The following ADAMTS7 variants were observed in gnomAD, a reference collection of about 807,000 sequenced individuals.
ADAMTS7 encodes A disintegrin and metalloproteinase with thrombospondin motifs 7.
ADAMTS7 carries 89 observed loss-of-function variants against 172.6 expected under a neutral mutation model. That is an observed-to-expected ratio of 0.52 (90% CI 0.43 to 0.61). ADAMTS7 has a LOEUF of 0.61. ADAMTS7 is among the 20% of genes least tolerant of loss of function. ADAMTS7 has a pLI of 0.00. For missense variants in ADAMTS7, 1,973 were observed against 2,355.6 expected (o/e 0.84, Z 3.36); for synonymous variants, 885 against 978.4 (o/e 0.90, Z 1.78).
rs367546155 is a variant in ADAMTS7, at chr15:78,762,237, T to A, written c.4903+166A>T. On this transcript the variant is annotated intron_variant, in intron 23 of 23. Transcript: ENST00000388820. The stretch of plus-strand genomic sequence containing the variant: ...TCCCAGCACAGCCCAGCCTCCAGCA[T>A]GGCATCCTGTGGCATCAGGATTTTC... Among the ~76,000 whole-genome samples the A allele has an allele frequency of 4.8e-3, 732 of 152,332 alleles. 4 individuals are homozygous for A. The highest frequency in any genetic ancestry group is 0.014 in the African/African-American group (596 of 41,580).
chr15:78,764,953 T>G, intron 19 of ADAMTS7: 2 of 437,514 alleles, frequency 4.6e-6, no homozygotes, highest in Non-Finnish European at 8.0e-6. Flanking sequence ...TGTGTTCCAG[T>G]GTCATTGGTG....
chr15:78,811,204 C>T lies in ADAMTS7; in HGVS notation c.17G>A (p.Ser6Asn). Residue 6 changes from serine (S) to asparagine (N), a missense_variant, in exon 1 of 24, where the codon AGT (serine) becomes AAT (asparagine). Ser to Asn is a conservative substitution (Grantham distance 46, BLOSUM62 1). Transcript: ENST00000388820. MPGGPSPRSPAPLLRP... is the reference protein window; with the variant it reads MPGGPNPRSPAPLLRP... ...CAGCAAAGGCGCGGGGCTGCGGGGACTGGGGCCGCCGGGCATGGCAGGAAC... is the reference window on the plus strand; with the variant it reads ...CAGCAAAGGCGCGGGGCTGCGGGGATTGGGGCCGCCGGGCATGGCAGGAAC... The T allele has an allele frequency of 1.6e-6, 2 of 1,228,780 alleles. No individual in the cohort carries two copies. Among genetic ancestry groups the T allele is most frequent in the Non-Finnish European group, 2.0e-6 (2 of 985,988 alleles). 76.1% of individuals were successfully genotyped at this position (1,228,780 alleles called of 1,614,324 possible).
At position 78,795,826 on chromosome 15, in the gene ADAMTS7, C is replaced by A. The variant is rs544045171; in HGVS notation, c.819+764G>T. Among the ~76,000 whole-genome samples, 17 of 152,306 alleles carry A rather than the reference C, an allele frequency of 1.1e-4. No individual in the cohort carries two copies. The South Asian group carries it at 3.5e-3, about 32-fold the overall frequency. On this transcript the variant is annotated intron_variant, in intron 4 of 23. Coordinates refer to ENST00000388820, the MANE Select transcript of ADAMTS7 (RefSeq NM_014272.5). ...TCCACGGGCACCCACAGGGCAGGAG[C>A]AGGGAGTGGCAGCTCTGCAGTAGTC...
rs1464627766 is a variant in ADAMTS7, at chr15:78,766,184, A to T, written c.3727T>A (p.Leu1243Met). 1 of 1,611,332 alleles carries T rather than the reference A, an allele frequency of 6.2e-7. No individual in the cohort carries two copies. Among genetic ancestry groups the T allele is most frequent in the Non-Finnish European group, 8.5e-7 (1 of 1,179,768 alleles). Residue 1243 changes from leucine (L) to methionine (M), a missense_variant, in exon 19 of 24, where the codon TTG becomes ATG. Leu to Met is a conservative substitution (Grantham distance 15, BLOSUM62 2). Around this residue, in one of 8 missense-constraint regions of ADAMTS7, gnomAD observed 771 missense variants for 952.6 expected, o/e 0.81. Transcript: ENST00000388820. ...GAGTGGGTGCTGCCAACAGGGGACA[A>T]AGGGGGCAGCGTGGAGCTGGGTCTC... Reference protein sequence around the residue: ...PPRPSSTLPPLSPVGSTHSSP... With the variant: ...PPRPSSTLPPMSPVGSTHSSP...
chr15:78,792,946 C>A (rs767291310), intron 4 of ADAMTS7, among the ~76,000 whole-genome samples: 1 of 152,108 alleles, frequency 6.6e-6, no homozygotes, highest in Non-Finnish European at 1.5e-5. Context: ...GAGTCTAGCA[C>A]GGGGAGAATG....
At chr15:78,796,936 C>T (rs1596197968) in intron 3 of ADAMTS7, 150 bp from the exon 4 acceptor site, 10 of 680,494 alleles carry the variant, frequency 1.5e-5, no homozygotes, top group South Asian at 1.0e-4. Context: ...CTGGCTCTGT[C>T]CCAGATCTGT....
Position 78,763,839 on chromosome 15 carries a change from C to G in ADAMTS7, c.4600G>C (p.Glu1534Gln). The change falls in exon 22 of 24, where the codon GAG (glutamate) becomes CAG (glutamine). Residue 1534 changes from glutamate (E) to glutamine (Q), a missense_variant. Glu to Gln is a conservative substitution (Grantham distance 29, BLOSUM62 2). Around this residue, in one of 8 missense-constraint regions of ADAMTS7, gnomAD observed 218 missense variants for 216.9 expected, o/e 1.01. Coordinates refer to ENST00000388820, the MANE Select transcript of ADAMTS7 (RefSeq NM_014272.5). ...WYTSSWRECS[E>Q]ACGGGEQQRL... ...TGCTGCTCACCACCGCCACAGGCCT[C>G]GGAGCACTGGGTGGGCAGGGAAGGA... 6.3e-7 allele frequency: 1 copy of G among 1,582,722 alleles called. No individual in the cohort carries two copies. Among genetic ancestry groups the G allele is most frequent in the Non-Finnish European group, 8.6e-7 (1 of 1,168,100 alleles).
chr15:78,768,023 C>CGGGGGGTGGGGAGTTGGCGGGGGA (rs2055184498), intron 17 of ADAMTS7, 110 bp downstream of exon 17: 1 of 281,380 alleles, frequency 3.6e-6, no homozygotes, highest in African/African-American at 5.6e-5. Flanking sequence ...CCCAGGATGC[C>CGGGGGGTGGGGAGTTGGCGGGGGA]TGGGGGTGGG....
rs1474309394 is a variant in ADAMTS7 at position 78,777,034 on chromosome 15, G to A, written c.1468-193C>T. 65 of 596,476 alleles carry A rather than the reference G, an allele frequency of 1.1e-4. 1 individual carries two copies. In the South Asian group the frequency reaches 1.2e-3, roughly 11 times the overall value. The allele number at this position is 596,476 out of a possible 1,614,324, so 36.9% of individuals were successfully genotyped here. A position where few individuals can be genotyped will look rare whatever the true frequency, so the allele number is the denominator to read the frequency against. On this transcript the variant is annotated intron_variant, in intron 9 of 23. Transcript: ENST00000388820. ...GACCATGTGGTGGTGTGGGGCGCCC[G>A]GGGCTGCGCTGCTCAGAGCGGTCCC...
At chr15:78,773,944 T>G (rs1317029053) in intron 13 of ADAMTS7, among the ~76,000 whole-genome samples, 1 of 151,486 alleles carries the variant, frequency 6.6e-6, no homozygotes, top group Non-Finnish European at 1.5e-5. Context: ...CCAGGAGGCG[T>G]GGTAGGGGCT....
chr15:78,793,055 G>A (rs73462918), intron 4 of ADAMTS7, among the ~76,000 whole-genome samples: 2,787 of 152,200 alleles, frequency 0.018, 62 homozygotes, highest in African/African-American at 0.064. Context: ...AAAAATAGCC[G>A]CAGCCAACCT....
Position 78,759,512 on chromosome 15 carries a change from A to G in ADAMTS7, c.4970T>C (p.Leu1657Pro), listed in dbSNP as rs1363919904. The change falls in exon 24 of 24, where the codon CTG (leucine) becomes CCG (proline). Residue 1657 changes from leucine (L) to proline (P), a missense_variant. Physicochemically the swap from Leu to Pro is moderately conservative, Grantham distance 98. Around this residue, in one of 8 missense-constraint regions of ADAMTS7, gnomAD observed 94 missense variants for 95.4 expected, o/e 0.99. Coordinates refer to ENST00000388820, the MANE Select transcript of ADAMTS7 (RefSeq NM_014272.5). ...GCAGCACTGGGTGCGGATGGTGGGC[A>G]GCTGGCAGCGGCCCAGTAGGCGCAG... ...ETLRLLGRCQ[L>P]PTIRTQCCRS... The G allele has an allele frequency of 1.3e-6, 2 of 1,597,500 alleles. No homozygotes were observed. Among genetic ancestry groups the G allele is most frequent in the Non-Finnish European group, 8.5e-7 (1 of 1,177,362 alleles).
At chr15:78,797,195 C>T (rs1214088610) in intron 3 of ADAMTS7, among the ~76,000 whole-genome samples, 2 of 152,208 alleles carry the variant, frequency 1.3e-5, no homozygotes, top group African/African-American at 4.8e-5. Flanking sequence ...CTGACCCCAC[C>T]CTCTAAACCC....
At chr15:78,801,952 C>CA (rs2055730812) in intron 1 of ADAMTS7, among the ~76,000 whole-genome samples, 1 of 152,012 alleles carries the variant, frequency 6.6e-6, no homozygotes, top group Non-Finnish European at 1.5e-5. Flanking sequence ...CTCAGCCTCC[C>CA]ATAGTTCTGG....
intron 8 of ADAMTS7, among the ~76,000 whole-genome samples, chr15:78,782,875 C>A (rs1413811587): frequency 2.7e-4 from 41 of 152,154 alleles, no homozygotes; most frequent in East Asian, 7.8e-4. Context: ...TGGCCACCTG[C>A]CACCCAGCAG....
At chr15:78,762,735 A>AC (rs1293712483) in intron 22 of ADAMTS7, among the ~76,000 whole-genome samples, 170 bp from the exon 23 acceptor site, 4 of 152,156 alleles carry the variant, frequency 2.6e-5, no homozygotes, top group Non-Finnish European at 5.9e-5. Flanking sequence ...CCTAGAGCCC[A>AC]CTTGGTGCTG....
chr15:78,780,502 C>T (rs1414448030), intron 8 of ADAMTS7, among the ~76,000 whole-genome samples: 2 of 151,958 alleles, frequency 1.3e-5, no homozygotes, highest in African/African-American at 4.8e-5. Context: ...GAAATGCTGG[C>T]TTTGAGGAAA....
chr15:78,765,552 G>T, intron 19 of ADAMTS7, 93 bp downstream of exon 19: 1 of 1,569,354 alleles, frequency 6.4e-7, no homozygotes. Context: ...CTAGACAGAC[G>T]GCGCCTGTGT....
chr15:78,780,026 T>C (rs1379166672), intron 8 of ADAMTS7, among the ~76,000 whole-genome samples: 39 of 139,918 alleles, frequency 2.8e-4, no homozygotes, highest in East Asian at 1.5e-3. Context: ...TGCCTGGCTA[T>C]AGATGCTGTG....
Sources: allele counts gnomAD v4.1 joint callset (sites outside exome capture counted in the v4.1 genomes callset), GRCh38; gene constraint gnomAD v4.1.1; regional missense constraint gnomAD v4.1.1; transcripts MANE v1.5; gene names NCBI Gene and HGNC (gene_info 2026-07-23, HGNC 2026-07-21).